MYO18B: variants seen among roughly 807,000 people sequenced by gnomAD.
The protein encoded by MYO18B is unconventional myosin-XVIIIb.
In MYO18B, 204 loss-of-function variants were observed where a neutral mutation model predicts 273.0. The observed-to-expected ratio is 0.75, with a 90% CI of 0.67 to 0.84. The LOEUF is 0.84. Among genes scored for constraint, MYO18B ranks in the 40% least tolerant of loss-of-function variants. The pLI is 0.00. For synonymous variants in MYO18B, 1,330 were observed against 1,305.7 expected (o/e 1.02, Z -0.40); for missense variants, 3,212 against 3,287.6 (o/e 0.98, Z 0.56).
intron 22 of MYO18B, among the ~76,000 whole-genome samples, chr22:25,871,861 G>T (rs1239939818): frequency 6.6e-6 from 1 of 152,180 alleles, no homozygotes; most frequent in Non-Finnish European, 1.5e-5. Context: ...TTCCCATTCT[G>T]TGTATGGTTG....
intron 25 of MYO18B, among the ~76,000 whole-genome samples, chr22:25,887,816 C>T (rs2091546993): frequency 6.6e-6 from 1 of 152,134 alleles, no homozygotes; most frequent in African/African-American, 2.4e-5. Context: ...CTTTGGGCTC[C>T]AGACTTTGGG....
chr22:25,944,351 T>G (rs1045317291), intron 34 of MYO18B, among the ~76,000 whole-genome samples: 1 of 152,168 alleles, frequency 6.6e-6, no homozygotes, highest in African/African-American at 2.4e-5. Context: ...TACATTTTTC[T>G]CAGGGGCTGG....
chr22:26,057,544 T>G, the MYO18B span, among the ~76,000 whole-genome samples: 1 of 151,460 alleles, frequency 6.6e-6, no homozygotes, highest in South Asian at 2.1e-4. Flanking sequence ...TTTTTTTGGA[T>G]TTAGCTTCAA....
At chr22:26,043,319 G>A in the MYO18B span, among the ~76,000 whole-genome samples, 1 of 152,094 alleles carries the variant, frequency 6.6e-6, no homozygotes, top group African/African-American at 2.4e-5. Flanking sequence ...TGAATATTTA[G>A]ACTGTTTCCA....
chr22:25,969,607 A>C (rs2146726308), intron 39 of MYO18B, among the ~76,000 whole-genome samples: 1 of 151,782 alleles, frequency 6.6e-6, no homozygotes, highest in South Asian at 2.1e-4. Flanking sequence ...CCTTTACAGA[A>C]AAAAAAATCA....
intron 7 of MYO18B, among the ~76,000 whole-genome samples, chr22:25,772,791 A>G (rs891202118): frequency 1.3e-5 from 2 of 152,194 alleles, no homozygotes; most frequent in Non-Finnish European, 2.9e-5. Context: ...TCTACCAGAC[A>G]CTGCTGTATG....
intron 42 of MYO18B, 81 bp downstream of exon 42, chr22:26,004,936 C>T: frequency 3.2e-6 from 5 of 1,561,200 alleles, no homozygotes; most frequent in Non-Finnish European, 4.4e-6. Flanking sequence ...TCAAGTCTTT[C>T]ATTGTCTCTG....
chr22:25,816,855 C>A (rs1461757363), intron 12 of MYO18B, among the ~76,000 whole-genome samples: 1 of 152,236 alleles, frequency 6.6e-6, no homozygotes, highest in Admixed American at 6.5e-5. Flanking sequence ...TCTCTACAGG[C>A]AGCCTCCTTC....
rs1343952634 is a variant in MYO18B at position 25,883,650 on chromosome 22, T to C, written c.4314+5602T>C. On this transcript the variant is annotated intron_variant, in intron 25 of 43. Coordinates refer to ENST00000335473, the MANE Select transcript of MYO18B (RefSeq NM_032608.7). This position sits in a 1 kb window ranked among gnomAD's most constrained non-coding sequence, Gnocchi z 7.6. ...GACACCCTTCCAGGACCATGCATCA[T>C]GATGACACCCCTGCTGCGGTTCGTG... is the stretch of plus-strand genomic sequence containing the variant. 1.3e-5 allele frequency: 2 copies of C among 152,172 alleles called. No individual in the cohort carries two copies. Among genetic ancestry groups the C allele is most frequent in the African/African-American group, 4.8e-5 (2 of 41,462 alleles). 9.4% of individuals were successfully genotyped at this position (152,172 alleles called of 1,614,324 possible).
chr22:25,913,939 C>T (rs181755651), intron 33 of MYO18B, among the ~76,000 whole-genome samples: 8 of 152,300 alleles, frequency 5.3e-5, no homozygotes, highest in African/African-American at 1.9e-4. Context: ...ACAAAAATGT[C>T]ATCATGTGTC....
chr22:25,861,433 A>T (rs76923261), intron 21 of MYO18B, among the ~76,000 whole-genome samples: 8,452 of 152,232 alleles, frequency 0.056, 332 homozygotes, highest in East Asian at 0.14. Context: ...TTTTAAACAA[A>T]ATTTAAAACA....
chr22:25,935,528 G>A (rs1030716903), intron 34 of MYO18B, among the ~76,000 whole-genome samples: 3 of 151,968 alleles, frequency 2.0e-5, no homozygotes, highest in African/African-American at 7.3e-5. Context: ...GGGGAGGTGA[G>A]AGGTTATTTT....
At position 25,797,977 on chromosome 22, in the gene MYO18B, G is replaced by A. The variant is rs1339235313; in HGVS notation, c.2401G>A (p.Ala801Thr). The A allele has an allele frequency of 1.9e-6, 3 of 1,614,054 alleles. No homozygotes were observed. Among genetic ancestry groups the A allele is most frequent in the Admixed American group, 1.7e-5 (1 of 60,024 alleles). Residue 801 changes from alanine to threonine, a missense_variant, in exon 12 of 44, where the codon GCT (alanine) becomes ACT (threonine). Ala to Thr is a moderately conservative substitution (Grantham distance 58). Coordinates refer to ENST00000335473, the MANE Select transcript of MYO18B (RefSeq NM_032608.7). ...SKPEDKQKAAAAFAQLQGAME... is the reference protein window; with the variant it reads ...SKPEDKQKAATAFAQLQGAME... ...GCCTGAAGATAAACAGAAGGCGGCA[G>A]CTGCCTTTGCCCAGCTCCAGGGTGC...
At chr22:25,800,163 A>C (rs554922376) in intron 12 of MYO18B, among the ~76,000 whole-genome samples, 2 of 152,158 alleles carry the variant, frequency 1.3e-5, no homozygotes, top group African/African-American at 4.8e-5. Flanking sequence ...GAATGATATA[A>C]TAGACTTTGG....
intron 33 of MYO18B, among the ~76,000 whole-genome samples, chr22:25,915,948 C>T (rs1408328394): frequency 6.6e-6 from 1 of 152,152 alleles, no homozygotes; most frequent in African/African-American, 2.4e-5. Flanking sequence ...AAATTTGGAT[C>T]ATGCAGTTCT....
At chr22:26,009,649 C>G (rs1464261127) in intron 42 of MYO18B, among the ~76,000 whole-genome samples, 1 of 152,142 alleles carries the variant, frequency 6.6e-6, no homozygotes, top group Non-Finnish European at 1.5e-5. Context: ...GGACTTTTCC[C>G]CACTGTTGAA....
At chr22:25,996,038 A>C (rs1028431345) in intron 40 of MYO18B, among the ~76,000 whole-genome samples, 2 of 152,250 alleles carry the variant, frequency 1.3e-5, no homozygotes, top group Admixed American at 1.3e-4. Context: ...TGCAATGTGC[A>C]GGATTATTAC....
the MYO18B span, among the ~76,000 whole-genome samples, chr22:26,057,518 A>G: frequency 6.9e-6 from 1 of 145,968 alleles, no homozygotes; most frequent in African/African-American, 2.7e-5. Context: ...TCTGACTGCA[A>G]AGTCACTTTT....
In MYO18B at chr22:25,832,918, A is replaced by G. The variant is rs2089764027; in HGVS notation, c.2981A>G (p.Glu994Gly). 1 of 1,613,510 alleles carries G rather than the reference A, an allele frequency of 6.2e-7. No individual in the cohort carries two copies. The highest frequency in any genetic ancestry group is 1.7e-5 in the Admixed American group (1 of 59,990). ...CTTTTAAATCCTGTTATTTTCCAGG[A>G]AGGTGTTCCTGTGCAGTTTGACCTC... The part of the protein sequence containing the change: ...FVSTLQRYQE[E>G]GVPVQFDLPD... Residue 994 changes from glutamate to glycine, a missense_variant and splice_region_variant, in exon 16 of 44, where the codon GAA becomes GGA. Glu to Gly is a moderately conservative substitution (Grantham distance 98, BLOSUM62 -2). Coordinates refer to ENST00000335473, the MANE Select transcript of MYO18B (RefSeq NM_032608.7).
Sources: allele counts gnomAD v4.1 joint callset (sites outside exome capture counted in the v4.1 genomes callset), GRCh38; gene constraint gnomAD v4.1.1; non-coding constraint Gnocchi (gnomAD v3.1); transcripts MANE v1.5; gene names NCBI Gene and HGNC (gene_info 2026-07-23, HGNC 2026-07-21).